MYO1H: variants seen among roughly 807,000 people sequenced by gnomAD.
The protein encoded by MYO1H is unconventional myosin-Ih.
In MYO1H, 118 loss-of-function variants were observed where a neutral mutation model predicts 149.3. The ratio of observed to expected loss-of-function variants is 0.79; its 90% confidence interval spans 0.68 to 0.92. MYO1H has a LOEUF of 0.92. Among genes scored for constraint, MYO1H ranks in the 40% least tolerant of loss-of-function variants. MYO1H has a pLI of 0.00. For synonymous variants in MYO1H, 447 were observed against 465.2 expected, an observed-to-expected ratio of 0.96 and a Z score of 0.50; for missense variants, 1,212 against 1,280.7, an observed-to-expected ratio of 0.95 and a Z score of 0.82.
the MYO1H span, among the ~76,000 whole-genome samples, chr12:109,314,288 C>G: frequency 1.3e-5 from 2 of 151,124 alleles, no homozygotes; most frequent in African/African-American, 4.9e-5. Flanking sequence ...ATATCTATCT[C>G]CATTGTTATG....
chr12:109,366,622 T>C (rs1868871257), intron 1 of MYO1H, among the ~76,000 whole-genome samples: 1 of 152,178 alleles, frequency 6.6e-6, no homozygotes, highest in Non-Finnish European at 1.5e-5. Flanking sequence ...GACTAATCAG[T>C]GACTCTCCCT....
chr12:109,413,841 T>A (rs1223887910), intron 14 of MYO1H, among the ~76,000 whole-genome samples: 1 of 151,724 alleles, frequency 6.6e-6, no homozygotes, highest in African/African-American at 2.4e-5. Context: ...ACCTGGGAGG[T>A]AGAGGTTGCA....
chr12:109,389,097 A>AT (rs1471104560), intron 2 of MYO1H, among the ~76,000 whole-genome samples: 1 of 152,180 alleles, frequency 6.6e-6, no homozygotes. Context: ...TCCCGGGACT[A>AT]GATCTAGGGT....
At chr12:109,383,646 T>C (rs1199704219) in intron 1 of MYO1H, among the ~76,000 whole-genome samples, 1 of 152,198 alleles carries the variant, frequency 6.6e-6, no homozygotes, top group African/African-American at 2.4e-5. Context: ...CTAATAACAC[T>C]GGAAGGGTCT....
chr12:109,443,611 C>A (rs764301485), exon 28 of MYO1H: 13 of 1,613,074 alleles, frequency 8.1e-6, no homozygotes, highest in African/African-American at 1.3e-5. Flanking sequence ...GTGGAACTTG[C>A]CAAAATCAAG....
the MYO1H span, among the ~76,000 whole-genome samples, chr12:109,324,558 A>G: frequency 3.3e-5 from 5 of 152,344 alleles, no homozygotes; most frequent in East Asian, 9.6e-4. Context: ...CTTAGGTATT[A>G]AAATTGTGTA....
the MYO1H span, among the ~76,000 whole-genome samples, chr12:109,328,077 GT>G: frequency 6.6e-6 from 1 of 150,954 alleles, no homozygotes; most frequent in South Asian, 2.1e-4. Flanking sequence ...TTGTCAAGAT[GT>G]TTTGGTCTCT....
intron 1 of MYO1H, among the ~76,000 whole-genome samples, chr12:109,351,510 C>G (rs1376395343): frequency 6.6e-6 from 1 of 152,168 alleles, no homozygotes; most frequent in Non-Finnish European, 1.5e-5. Context: ...AAAGATTAGA[C>G]ATTGTGTCCA....
chr12:109,399,591 C>CAAAAA (rs34417905), intron 5 of MYO1H, among the ~76,000 whole-genome samples: 8 of 70,470 alleles, frequency 1.1e-4, no homozygotes, highest in African/African-American at 5.5e-4. Context: ...GACTCTGTCT[C>CAAAAA]AAAAAAAAAA....
chr12:109,322,819 C>CAAAAAAA, the MYO1H span, among the ~76,000 whole-genome samples: 1 of 77,104 alleles, frequency 1.3e-5, no homozygotes, highest in Non-Finnish European at 2.5e-5. Flanking sequence ...GACTCCGTCT[C>CAAAAAAA]AAAAAAAAAA....
intron 10 of MYO1H, among the ~76,000 whole-genome samples, 165 bp from the exon 11 acceptor site, chr12:109,409,392 A>G (rs1441741217): frequency 6.6e-6 from 1 of 151,412 alleles, no homozygotes; most frequent in Non-Finnish European, 1.5e-5. Context: ...AGCAGGCAGG[A>G]GCAGCAGGCT....
the MYO1H span, among the ~76,000 whole-genome samples, chr12:109,317,839 T>C: frequency 6.6e-6 from 1 of 152,208 alleles, no homozygotes; most frequent in Non-Finnish European, 1.5e-5. Context: ...AGCTCTGTCT[T>C]GAGAGGATGC....
At chr12:109,406,467 T>TA (rs56744077) in intron 8 of MYO1H, among the ~76,000 whole-genome samples, 57 of 43,632 alleles carry the variant, frequency 1.3e-3, no homozygotes, top group South Asian at 2.2e-3. Flanking sequence ...CCCTATCTCT[T>TA]AAAAAAAAAA....
chr12:109,336,603 T>C, the MYO1H span, among the ~76,000 whole-genome samples: 1 of 152,106 alleles, frequency 6.6e-6, no homozygotes, highest in African/African-American at 2.4e-5. Flanking sequence ...GCAATTTCAG[T>C]AGAAAAAAAT....
At chr12:109,388,403 C>A (rs1869478127) in intron 1 of MYO1H, among the ~76,000 whole-genome samples, 2 of 152,112 alleles carry the variant, frequency 1.3e-5, no homozygotes, top group Admixed American at 1.3e-4. Flanking sequence ...AATAGTATTT[C>A]ATAGGGTCAG....
At chr12:109,386,066 G>A (rs1246456525) in intron 1 of MYO1H, among the ~76,000 whole-genome samples, 1 of 152,148 alleles carries the variant, frequency 6.6e-6, no homozygotes, top group East Asian at 1.9e-4. Flanking sequence ...TTTTCACTGT[G>A]GATTAGTTTT....
chr12:109,440,441 G>A lies in MYO1H; in HGVS notation c.2455-303G>A. On this transcript the variant is annotated intron_variant, in intron 24 of 31. Transcript: ENST00000310903. The stretch of plus-strand genomic sequence containing the variant: ...TCTGTGTCTGGAACTTAGAGGCGGG[G>A]CTGTTGTAAGAGTCCCGGGCTCCAC... 7 of 319,926 alleles carry A rather than the reference G, an allele frequency of 2.2e-5. 2 individuals carry two copies. The South Asian group carries it at 2.7e-4, about 12-fold the overall frequency. The allele number at this position is 319,926 out of a possible 1,614,324, so 19.8% of individuals were successfully genotyped here. A position where few individuals can be genotyped will look rare whatever the true frequency, so the allele number is the denominator to read the frequency against.
chr12:109,434,886 C>T (rs956507428), intron 20 of MYO1H, 151 bp from the exon 21 acceptor site: 12 of 583,096 alleles, frequency 2.1e-5, no homozygotes, highest in Non-Finnish European at 3.6e-5. Context: ...TCATTTCTAT[C>T]CTTACCTCAA....
intron 15 of MYO1H, among the ~76,000 whole-genome samples, chr12:109,420,740 G>T (rs1871136585): frequency 6.6e-6 from 1 of 152,160 alleles, no homozygotes; most frequent in African/African-American, 2.4e-5. Context: ...ACTGGGGACA[G>T]TGTTACTGGG....
Sources: allele counts gnomAD v4.1 joint callset (sites outside exome capture counted in the v4.1 genomes callset), GRCh38; gene constraint gnomAD v4.1.1; transcripts MANE v1.5; gene names NCBI Gene and HGNC (gene_info 2026-07-23, HGNC 2026-07-21).